The following PRDM16 variants were observed in gnomAD, a reference collection of about 807,000 sequenced individuals.
The protein encoded by PRDM16 is PR/SET domain 16.
PRDM16 carries 23 observed loss-of-function variants against 110.6 expected under a neutral mutation model. The observed-to-expected ratio is 0.21, with a 90% CI of 0.15 to 0.29. The LOEUF (loss-of-function observed/expected upper bound fraction) is 0.29, where lower values mean the gene tolerates loss of function less well. PRDM16 is among the 10% of genes least tolerant of loss of function. The probability of loss-of-function intolerance (pLI) is 1.00; values close to 1 mark genes in which losing one functional copy is unlikely to be tolerated. For missense variants in PRDM16, 1,615 were observed against 1,794.3 expected (o/e 0.90, Z 1.81); for synonymous variants, 799 against 781.8 (o/e 1.02, Z -0.37).
chr1:3,318,722 A>C (rs12044867), intron 3 of PRDM16, among the ~76,000 whole-genome samples: 3,890 of 152,344 alleles, frequency 0.026, 289 homozygotes, highest in East Asian at 0.24. Context: ...CTCAGCAACC[A>C]CATTTCCAAA....
chr1:3,321,702 TTGTG>T (rs1641753878), intron 3 of PRDM16, among the ~76,000 whole-genome samples: 1 of 150,438 alleles, frequency 6.6e-6, no homozygotes, highest in Non-Finnish European at 1.5e-5. Context: ...TGTGTGTGCT[TTGTG>T]TGGGTGTACA....
At chr1:3,107,743 G>A (rs1642697283) in intron 1 of PRDM16, among the ~76,000 whole-genome samples, 1 of 152,206 alleles carries the variant, frequency 6.6e-6, no homozygotes, top group African/African-American at 2.4e-5. Flanking sequence ...CACTATCCCT[G>A]GGAACTCTGC....
At chr1:3,238,822 A>T (rs1398390942) in intron 2 of PRDM16, among the ~76,000 whole-genome samples, 1 of 152,056 alleles carries the variant, frequency 6.6e-6, no homozygotes, top group African/African-American at 2.4e-5. Context: ...GCCGGAGCAC[A>T]CTCCTGGAGT....
chr1:3,086,469 C>G (rs927342862), intron 1 of PRDM16, among the ~76,000 whole-genome samples: 1 of 152,150 alleles, frequency 6.6e-6, no homozygotes, highest in Non-Finnish European at 1.5e-5. Context: ...CCCGAGGTGT[C>G]GGTGCAGTGT....
chr1:3,331,075 A>G (rs1642032127), intron 3 of PRDM16, among the ~76,000 whole-genome samples: 1 of 152,216 alleles, frequency 6.6e-6, no homozygotes, highest in Admixed American at 6.5e-5. Context: ...CCCGGGCTCC[A>G]GGGGCCAAGG....
At chr1:3,135,589 C>G (rs1569650831) in intron 1 of PRDM16, among the ~76,000 whole-genome samples, 2 of 152,198 alleles carry the variant, frequency 1.3e-5, no homozygotes, top group East Asian at 3.9e-4. Context: ...AGGTGACACA[C>G]CAGCTGTGAT....
intron 2 of PRDM16, among the ~76,000 whole-genome samples, chr1:3,221,114 C>T (rs1369447939): frequency 6.6e-6 from 1 of 152,216 alleles, no homozygotes. Context: ...GCCATGCCGA[C>T]ACTGGCTTAG....
chr1:3,225,569 T>TGCGCGCGCGC (rs1431851886), intron 2 of PRDM16, among the ~76,000 whole-genome samples: 3 of 121,642 alleles, frequency 2.5e-5, no homozygotes, highest in Admixed American at 8.2e-5. Context: ...TGTGTGTGTG[T>TGCGCGCGCGC]GTGTGCGCGC....
intron 2 of PRDM16, among the ~76,000 whole-genome samples, chr1:3,218,622 C>A (rs1286893728): frequency 6.6e-6 from 1 of 152,256 alleles, no homozygotes; most frequent in Non-Finnish European, 1.5e-5. Context: ...TGCCTTCCTT[C>A]TGGCTCTTTC....
chr1:3,330,234 A>G (rs1458100601), intron 3 of PRDM16, among the ~76,000 whole-genome samples: 2 of 152,236 alleles, frequency 1.3e-5, no homozygotes, highest in African/African-American at 2.4e-5. Flanking sequence ...CCTCAGACCC[A>G]AACACTTCTG....
rs76277241 is a variant in PRDM16, at chr1:3,103,100, G to A, written c.37+33804G>A. On this transcript the variant is annotated intron_variant, in intron 1 of 16. Coordinates refer to ENST00000270722, the MANE Select transcript of PRDM16 (RefSeq NM_022114.4). ...TACTGCTGGACCTGGGGCCACCGCA[G>A]CAGCAAAGTCAGGAGAGATGGGCAG... is the stretch of plus-strand genomic sequence containing the variant. 4.4e-3 allele frequency among the ~76,000 whole-genome samples: 664 copies of A among 152,368 alleles called. 5 individuals are homozygous for A. Among genetic ancestry groups the A allele is most frequent in the Non-Finnish European group, 7.3e-3 (496 of 68,040 alleles).
At position 3,420,853 on chromosome 1, in the gene PRDM16, C is replaced by T. The variant is rs373874081; in HGVS notation, c.2939+2109C>T. Among the ~76,000 whole-genome samples the T allele has an allele frequency of 1.3e-4, 20 of 152,310 alleles. 1 individual carries two copies. Among genetic ancestry groups the T allele is most frequent in the African/African-American group, 4.8e-4 (20 of 41,572 alleles). On this transcript the variant is annotated intron_variant, in intron 12 of 16. Transcript: ENST00000270722. Reference sequence around the variant, plus strand: ...GGCTGCTCCTTGGTCTTCGTCCTGACAGCCGGCCCGGGGGTCTCTCTGGGA... The same window carrying T: ...GGCTGCTCCTTGGTCTTCGTCCTGATAGCCGGCCCGGGGGTCTCTCTGGGA...
At chr1:3,266,397 C>A (rs556275518) in intron 3 of PRDM16, among the ~76,000 whole-genome samples, 1 of 152,188 alleles carries the variant, frequency 6.6e-6, no homozygotes, top group Non-Finnish European at 1.5e-5. Flanking sequence ...CCCCGAGAGC[C>A]CCTCGCACTT....
At chr1:3,368,455 G>A (rs1642854184) in intron 3 of PRDM16, among the ~76,000 whole-genome samples, 1 of 152,184 alleles carries the variant, frequency 6.6e-6, no homozygotes. Flanking sequence ...ATCTGTGAAG[G>A]ATCCAGAGCT....
chr1:3,181,385 CG>C (rs1644177104), intron 1 of PRDM16, among the ~76,000 whole-genome samples: 1 of 20,282 alleles, frequency 4.9e-5, no homozygotes, highest in Admixed American at 7.0e-4. Context: ...GTCTTACACA[CG>C]GCCTTACGCA....
rs577582577 is a variant in PRDM16, at chr1:3,418,663, C to G, written c.2862-4C>G. On this transcript the variant is annotated splice_polypyrimidine_tract_variant and splice_region_variant and intron_variant, in intron 11 of 16. Transcript: ENST00000270722. ...CTCACCCTCCCCACCTCCCTCCACC[C>G]CAGGTACTGTGGGAAGATCTTCCCC... 1 of 1,609,718 alleles carries G rather than the reference C, an allele frequency of 6.2e-7. No individual in the cohort carries two copies. The highest frequency in any genetic ancestry group is 1.7e-5 in the Admixed American group (1 of 60,018).
intron 3 of PRDM16, among the ~76,000 whole-genome samples, chr1:3,332,674 C>T (rs1319897388): frequency 2.6e-5 from 4 of 152,154 alleles, no homozygotes; most frequent in Non-Finnish European, 5.9e-5. Flanking sequence ...CTTCTGCCGA[C>T]TTCCGAGAGG....
At chr1:3,394,454 A>C (rs964184836) in intron 4 of PRDM16, 11 of 430,334 alleles carry the variant, frequency 2.6e-5, no homozygotes, top group African/African-American at 2.5e-4. Flanking sequence ...CCGAGGTCTC[A>C]CGTCAGGACC....
intron 2 of PRDM16, among the ~76,000 whole-genome samples, chr1:3,230,206 C>T (rs1384618482): frequency 1.3e-5 from 2 of 152,204 alleles, no homozygotes; most frequent in African/African-American, 2.4e-5. Flanking sequence ...ACTGCTGCTC[C>T]ATCCCTGACC....
Sources: allele counts gnomAD v4.1 joint callset (sites outside exome capture counted in the v4.1 genomes callset), GRCh38; gene constraint gnomAD v4.1.1; transcripts MANE v1.5; gene names NCBI Gene and HGNC (gene_info 2026-07-23, HGNC 2026-07-21).